Variants in ANO2 observed in about 807,000 individuals in gnomAD.
ANO2 encodes the protein anoctamin 2.
In ANO2, 101 loss-of-function variants were observed where a neutral mutation model predicts 124.2. That is an observed-to-expected ratio of 0.81 (90% confidence interval 0.69 to 0.96). The LOEUF is 0.96. ANO2 is among the 40% of genes least tolerant of loss of function. The pLI is 0.00. For missense variants in ANO2, 1,293 were observed against 1,274.5 expected (o/e 1.01, Z -0.22); for synonymous variants, 486 against 482.5 (o/e 1.01, Z -0.09).
At chr12:5,923,716 G>A (rs369528696) in intron 1 of ANO2, among the ~76,000 whole-genome samples, 6 of 152,242 alleles carry the variant, frequency 3.9e-5, no homozygotes, top group Admixed American at 6.5e-5. Context: ...ATGACTGCAT[G>A]CTAGAATTGG....
chr12:5,788,823 T>C (rs987163897), intron 10 of ANO2, among the ~76,000 whole-genome samples: 2 of 152,236 alleles, frequency 1.3e-5, no homozygotes, highest in Non-Finnish European at 2.9e-5. Context: ...CCTCTCAAAG[T>C]GCTGGGATTA....
intron 11 of ANO2, among the ~76,000 whole-genome samples, chr12:5,746,339 C>A (rs1951265490): frequency 1.3e-5 from 2 of 152,202 alleles, no homozygotes; most frequent in South Asian, 4.1e-4. Flanking sequence ...CTCCTCAAAT[C>A]ATTTAAATGT....
chr12:5,877,472 G>A (rs1938187372), intron 3 of ANO2, among the ~76,000 whole-genome samples: 1 of 152,170 alleles, frequency 6.6e-6, no homozygotes, highest in Non-Finnish European at 1.5e-5. Flanking sequence ...TGATTGGGTT[G>A]AGCATTTCAT....
intron 14 of ANO2, 98 bp downstream of exon 14, chr12:5,732,422 C>T (rs1950678852): frequency 1.0e-6 from 1 of 1,002,620 alleles, no homozygotes; most frequent in South Asian, 1.6e-5. Flanking sequence ...TCAACCCCTT[C>T]TCAAGCCCAG....
intron 13 of ANO2, among the ~76,000 whole-genome samples, chr12:5,735,366 G>A (rs1372371832): frequency 6.6e-6 from 1 of 152,110 alleles, no homozygotes; most frequent in African/African-American, 2.4e-5. Context: ...GACCACATTT[G>A]TCTGATGTAA....
At chr12:5,587,867 C>T (rs1943196554) in intron 20 of ANO2, among the ~76,000 whole-genome samples, 1 of 152,122 alleles carries the variant, frequency 6.6e-6, no homozygotes, top group Non-Finnish European at 1.5e-5. Flanking sequence ...CCTCGCAGCC[C>T]CTCCCCCAAG....
At chr12:5,656,606 T>G (rs1947169731) in intron 14 of ANO2, among the ~76,000 whole-genome samples, 1 of 152,198 alleles carries the variant, frequency 6.6e-6, no homozygotes, top group African/African-American at 2.4e-5. Context: ...ATTGATTTTC[T>G]TGTCTTTCCT....
At chr12:5,792,255 C>T (rs1281648704) in intron 10 of ANO2, among the ~76,000 whole-genome samples, 3 of 152,310 alleles carry the variant, frequency 2.0e-5, no homozygotes, top group Non-Finnish European at 4.4e-5. Flanking sequence ...CGGGCAGGTG[C>T]GTCAGGGTCT....
chr12:5,565,179 C>T (rs538284098), intron 24 of ANO2, among the ~76,000 whole-genome samples: 2 of 152,286 alleles, frequency 1.3e-5, no homozygotes, highest in South Asian at 4.1e-4. Context: ...CAAACCTGAG[C>T]TCTTTCATGG....
intron 14 of ANO2, among the ~76,000 whole-genome samples, chr12:5,728,579 T>C (rs1269447675): frequency 2.0e-5 from 3 of 152,194 alleles, no homozygotes; most frequent in African/African-American, 4.8e-5. Context: ...AATTAGTCTA[T>C]AGATTCAACT....
At position 5,921,276 on chromosome 12, in the gene ANO2, C is replaced by A. The variant is rs758820347; in HGVS notation, c.298G>T (p.Asp100Tyr). The change falls in exon 3 of 25, where the codon GAC (aspartate) becomes TAC (tyrosine). Residue 100 changes from aspartate (D) to tyrosine (Y), a missense_variant. Transcript: ENST00000682330. ...CGGTAGTGGTAGGCAAGTACATAGT[C>A]GACCTTCCTCTGACTGTCATGGAAG... ...MHFHDSQRKV[D>Y]YVLAYHYRKR... 1 of 1,613,966 alleles carries A rather than the reference C, an allele frequency of 6.2e-7. No individual in the cohort carries two copies. The highest frequency in any genetic ancestry group is 8.5e-7 in the Non-Finnish European group (1 of 1,179,884).
At chr12:5,896,810 T>C (rs1939822864) in intron 3 of ANO2, among the ~76,000 whole-genome samples, 3 of 152,184 alleles carry the variant, frequency 2.0e-5, no homozygotes, top group African/African-American at 4.8e-5. Flanking sequence ...AGAGAATAGG[T>C]AGAAAGGTTT....
intron 12 of ANO2, among the ~76,000 whole-genome samples, chr12:5,741,418 G>A (rs186065339): frequency 4.6e-5 from 7 of 152,254 alleles, no homozygotes; most frequent in Admixed American, 3.9e-4. Context: ...GGCCTTTCTC[G>A]AGTGGGTGTA....
chr12:5,693,816 C>T (rs1201206735), intron 14 of ANO2, among the ~76,000 whole-genome samples: 1 of 152,200 alleles, frequency 6.6e-6, no homozygotes, highest in African/African-American at 2.4e-5. Flanking sequence ...TTTCCCCTCA[C>T]TGCCACATGA....
chr12:5,830,606 G>GCA (rs1390282941), intron 5 of ANO2, 117 bp from the exon 6 acceptor site: 5 of 738,392 alleles, frequency 6.8e-6, no homozygotes, highest in Admixed American at 5.3e-5. Flanking sequence ...CTTATGAGGT[G>GCA]CACACACACA....
intron 15 of ANO2, among the ~76,000 whole-genome samples, chr12:5,645,312 C>T (rs1946575214): frequency 2.0e-5 from 3 of 152,004 alleles, no homozygotes; most frequent in Non-Finnish European, 1.5e-5. Flanking sequence ...TCGCTTGAAC[C>T]CGGGGGGCGG....
At chr12:5,762,427 C>T (rs1248844205) in intron 10 of ANO2, among the ~76,000 whole-genome samples, 1 of 151,854 alleles carries the variant, frequency 6.6e-6, no homozygotes, top group Non-Finnish European at 1.5e-5. Flanking sequence ...CTTAGGTTTT[C>T]ACTAGAAAAT....
chr12:5,601,386 T>C (rs1234787800), intron 19 of ANO2, among the ~76,000 whole-genome samples: 2 of 151,976 alleles, frequency 1.3e-5, no homozygotes, highest in Non-Finnish European at 2.9e-5. Context: ...TAAGAAAAAT[T>C]TCATAGTAAA....
Position 5,660,559 on chromosome 12 carries a change from G to A in ANO2, c.1546-12758C>T, listed in dbSNP as rs1290314732. The stretch of plus-strand genomic sequence containing the variant: ...ACTCCCACAATGAGAACTTTCCCAC[G>A]CCCCTTGTCCATCCCTGGTCCATGT... On this transcript the variant is annotated intron_variant, in intron 14 of 24. Transcript: ENST00000682330. Among the ~76,000 whole-genome samples, 5 of 151,048 alleles carry A rather than the reference G, an allele frequency of 3.3e-5. No homozygotes were observed. In the Middle Eastern group the frequency reaches 0.01, roughly 308 times the overall value.
Sources: gnomAD v4.1 joint callset for allele counts (sites outside exome capture counted in the v4.1 genomes callset) on GRCh38, gnomAD v4.1.1 for gene constraint, MANE v1.5 for transcripts, NCBI Gene and HGNC (gene_info 2026-07-23, HGNC 2026-07-21) for gene names.